SAXO2: variants seen among roughly 807,000 people sequenced by gnomAD.
The protein encoded by SAXO2 is family with sequence similarity 154, member B.
A neutral mutation model predicts 18.7 loss-of-function variants in SAXO2; 17 were observed. That is an observed-to-expected ratio of 0.91 (90% confidence interval 0.62 to 1.36). The LOEUF (loss-of-function observed/expected upper bound fraction) is 1.36, where lower values mean the gene tolerates loss of function less well. Ranked by LOEUF, SAXO2 falls within the 40% of genes most tolerant of loss-of-function variation. The probability of loss-of-function intolerance (pLI) is 0.00; values close to 1 mark genes in which losing one functional copy is unlikely to be tolerated. For synonymous variants in SAXO2, 163 were observed against 181.2 expected (o/e 0.90, Z 0.81); for missense variants, 486 against 562.6 (o/e 0.86, Z 1.38).
rs2075147000 is a variant in SAXO2 at position 82,262,889 on chromosome 15, A to G, written c.10A>G (p.Lys4Glu). Residue 4 changes from lysine to glutamate, a missense_variant, in exon 1 of 4, where the codon AAG becomes GAG. Lys to Glu is a moderately conservative substitution (Grantham distance 56). Transcript: ENST00000682753. MGA[K>E]SMRSWCLCQI... ...CGCGGTGGAGGAAAGCATGGGAGCCAAGAGTATGAGGAGCTGGTGTCTGTG... is the reference window on the plus strand; with the variant it reads ...CGCGGTGGAGGAAAGCATGGGAGCCGAGAGTATGAGGAGCTGGTGTCTGTG... 1.9e-6 allele frequency: 3 copies of G among 1,600,662 alleles called. No individual in the cohort carries two copies. The highest frequency in any genetic ancestry group is 1.7e-5 in the Admixed American group (1 of 58,262).
chr15:82,264,386 CA>C (rs999427925), intron 1 of SAXO2, among the ~76,000 whole-genome samples: 2 of 146,546 alleles, frequency 1.4e-5, no homozygotes, highest in Non-Finnish European at 3.0e-5. Flanking sequence ...TTTTTTTTAA[CA>C]AAAAAAGAGA....
intron 2 of SAXO2, among the ~76,000 whole-genome samples, chr15:82,270,266 T>C (rs1229102143): frequency 5.3e-5 from 8 of 152,046 alleles, no homozygotes; most frequent in African/African-American, 1.7e-4. Context: ...TATTTAATGA[T>C]GGAGTAGAGG....
chr15:82,264,267 T>A (rs2141356616), intron 1 of SAXO2, among the ~76,000 whole-genome samples: 1 of 152,120 alleles, frequency 6.6e-6, no homozygotes, highest in East Asian at 1.9e-4. Flanking sequence ...AGACGGGGTT[T>A]CACCATGTTG....
In SAXO2 at chr15:82,275,905, A is replaced by G. The variant is rs12910507; in HGVS notation, c.433+4103A>G. Among the ~76,000 whole-genome samples the G allele has an allele frequency of 1.2e-3, 186 of 152,160 alleles. 1 individual carries two copies. Among genetic ancestry groups the G allele is most frequent in the Middle Eastern group, 0.01 (3 of 294 alleles). On this transcript the variant is annotated intron_variant, in intron 3 of 3. Transcript: ENST00000682753. ...CCCACTGTTATCACTCATATTTAAC[A>G]TAATCAAGCAAGAGAAAGAAAAGGC...
intron 3 of SAXO2, chr15:82,272,175 T>G (rs1475029882): frequency 1.0e-5 from 2 of 199,354 alleles, no homozygotes; most frequent in East Asian, 2.8e-4. Flanking sequence ...CCGAGAGTAT[T>G]GGGATCTTTG....
intron 3 of SAXO2, among the ~76,000 whole-genome samples, chr15:82,275,188 CA>C (rs1456421538): frequency 7.1e-6 from 1 of 140,414 alleles, no homozygotes; most frequent in Non-Finnish European, 1.5e-5. Context: ...TTCGGAAACA[CA>C]AATTCCCAAG....
chr15:82,263,985 T>C (rs1166381273), intron 1 of SAXO2, among the ~76,000 whole-genome samples: 1 of 151,944 alleles, frequency 6.6e-6, no homozygotes, highest in Non-Finnish European at 1.5e-5. Flanking sequence ...AGCAAAAATA[T>C]CTATAATATT....
At position 82,271,801 on chromosome 15, in the gene SAXO2, A is replaced by G. The variant is rs141659576; in HGVS notation, c.432A>G (p.Lys144=). The G allele has an allele frequency of 2.0e-5, 32 of 1,610,892 alleles. No individual in the cohort carries two copies. The African/African-American group carries it at 4.0e-4, about 20-fold the overall frequency. Residue 144 remains lysine (K), a splice_region_variant and synonymous_variant, in exon 3 of 4, where the codon AAA becomes AAG. Transcript: ENST00000682753. ...KGKLDTVPTY[K]DDYRAWDLHK... is the part of the protein sequence containing the mutation. Reference sequence around the variant, plus strand: ...AATTGGACACTGTCCCAACCTATAAAGGTAACTTGCTGTTTCATACATGAA... The same window carrying G: ...AATTGGACACTGTCCCAACCTATAAGGGTAACTTGCTGTTTCATACATGAA...
At chr15:82,276,937 T>C (rs116286063) in intron 3 of SAXO2, among the ~76,000 whole-genome samples, 10,453 of 152,138 alleles carry the variant, frequency 0.069, 553 homozygotes, top group African/African-American at 0.13. Context: ...TGAAAGAATA[T>C]TGACAAAGTC....
intron 1 of SAXO2, chr15:82,263,170 A>G (rs564240516): frequency 3.6e-5 from 52 of 1,451,988 alleles, no homozygotes; most frequent in Middle Eastern, 2.5e-4. Flanking sequence ...GATGCAAAGT[A>G]AAATGCCACC....
intron 3 of SAXO2, among the ~76,000 whole-genome samples, chr15:82,273,068 G>T (rs2075286704): frequency 6.8e-6 from 1 of 146,760 alleles, no homozygotes; most frequent in South Asian, 2.2e-4. Flanking sequence ...ACCATGCCTA[G>T]CTAATTTTTG....
chr15:82,275,438 A>G (rs905069832), intron 3 of SAXO2, among the ~76,000 whole-genome samples: 3 of 150,074 alleles, frequency 2.0e-5, no homozygotes, highest in Admixed American at 6.6e-5. Context: ...TGAAACTAGT[A>G]TGATCCTGAT....
At chr15:82,279,765 A>G (rs2075347192) in intron 3 of SAXO2, among the ~76,000 whole-genome samples, 2 of 152,238 alleles carry the variant, frequency 1.3e-5, no homozygotes, top group South Asian at 2.1e-4. Context: ...AGGAAAAAGA[A>G]CTAGCATAAG....
chr15:82,277,807 T>G (rs1679895460), intron 3 of SAXO2, among the ~76,000 whole-genome samples: 1 of 152,128 alleles, frequency 6.6e-6, no homozygotes, highest in Non-Finnish European at 1.5e-5. Context: ...CATTACATCT[T>G]TAATTGCTAA....
At chr15:82,276,326 T>C (rs1190618935) in intron 3 of SAXO2, among the ~76,000 whole-genome samples, 1 of 146,290 alleles carries the variant, frequency 6.8e-6, no homozygotes, top group African/African-American at 2.5e-5. Context: ...ATTACCAATA[T>C]CATTTTTTTG....
rs1465478971 is a variant in SAXO2 at position 82,284,736 on chromosome 15, G to A, written c.*1674G>A. ...TTATGGGAGAATATGATTTATTTTA[G>A]CATAAAGTGAATTTTAGTCTTTTAT... On this transcript the variant is annotated 3_prime_UTR_variant, in exon 4 of 4. Coordinates refer to ENST00000682753, the MANE Select transcript of SAXO2 (RefSeq NM_001348699.2). 6.6e-6 allele frequency: 1 copy of A among 152,086 alleles called. No homozygotes were observed. Among genetic ancestry groups the A allele is most frequent in the East Asian group, 1.9e-4 (1 of 5,194 alleles). 9.4% of individuals were successfully genotyped at this position (152,086 alleles called of 1,614,324 possible). A position where few individuals can be genotyped will look rare whatever the true frequency, so the allele number is the denominator to read the frequency against.
rs1479494275 is a variant in SAXO2, at chr15:82,282,239, A to C, written c.554A>C (p.Glu185Ala). Reference sequence around the variant, plus strand: ...TTTCAGGATGATTTTGTTCCTCAGGAGATAAAGCCTAGGCAAAGCTTTAAA... The same window carrying C: ...TTTCAGGATGATTTTGTTCCTCAGGCGATAAAGCCTAGGCAAAGCTTTAAA... ...TTFQDDFVPQ[E>A]IKPRQSFKPS... Residue 185 changes from glutamate to alanine, a missense_variant, in exon 4 of 4, where the codon GAG (glutamate) becomes GCG (alanine). By Grantham distance (107) the Glu-to-Ala change is moderately radical. Coordinates refer to ENST00000682753, the MANE Select transcript of SAXO2 (RefSeq NM_001348699.2). The C allele has an allele frequency of 1.9e-6, 3 of 1,614,096 alleles. No individual in the cohort carries two copies. The highest frequency in any genetic ancestry group is 2.5e-6 in the Non-Finnish European group (3 of 1,180,040).
At chr15:82,264,417 C>T (rs1395263763) in intron 1 of SAXO2, among the ~76,000 whole-genome samples, 3 of 149,918 alleles carry the variant, frequency 2.0e-5, no homozygotes, top group African/African-American at 7.4e-5. Flanking sequence ...GCATACTATT[C>T]TACAATCCGG....
intron 3 of SAXO2, among the ~76,000 whole-genome samples, chr15:82,274,917 A>G (rs2075301624): frequency 6.6e-6 from 1 of 151,914 alleles, no homozygotes; most frequent in South Asian, 2.1e-4. Context: ...CAGAAGAAAT[A>G]ATTAAAGTCA....
Sources: allele counts gnomAD v4.1 joint callset (sites outside exome capture counted in the v4.1 genomes callset), GRCh38; gene constraint gnomAD v4.1.1; transcripts MANE v1.5; gene names NCBI Gene and HGNC (gene_info 2026-07-23, HGNC 2026-07-21).